The following SOX5 variants were observed in gnomAD, a reference collection of about 807,000 sequenced individuals.
The protein encoded by SOX5 is SRY-box transcription factor 5.
In SOX5, 9 loss-of-function variants were observed where a neutral mutation model predicts 92.0. The observed-to-expected ratio is 0.10, with a 90% CI of 0.06 to 0.17. SOX5 has a LOEUF of 0.17. Among genes scored for constraint, SOX5 ranks in the 10% least tolerant of loss-of-function variants. The pLI, the probability that SOX5 is intolerant of heterozygous loss-of-function variation, is 1.00. For synonymous variants in SOX5, 344 were observed against 336.3 expected (o/e 1.02, Z -0.25); for missense variants, 642 against 944.5 (o/e 0.68, Z 4.20).
chr12:24,267,586 T>C (rs1943179018), intron 3 of SOX5, among the ~76,000 whole-genome samples: 1 of 152,206 alleles, frequency 6.6e-6, no homozygotes, highest in African/African-American at 2.4e-5. Context: ...AGAATTTCTG[T>C]ACTCTAACTT....
At chr12:24,233,747 T>C (rs1963887054) in intron 3 of SOX5, among the ~76,000 whole-genome samples, 1 of 152,232 alleles carries the variant, frequency 6.6e-6, no homozygotes, top group African/African-American at 2.4e-5. Flanking sequence ...TGGGATATGA[T>C]GCAGCCAGCA....
chr12:23,676,168 A>C (rs1362908646), intron 6 of SOX5, among the ~76,000 whole-genome samples: 6 of 152,140 alleles, frequency 3.9e-5, no homozygotes, highest in Admixed American at 2.6e-4. Flanking sequence ...GAGAGCGATA[A>C]TTAATAAAAT....
chr12:24,122,387 T>G (rs555668286), intron 4 of SOX5, among the ~76,000 whole-genome samples: 1 of 152,296 alleles, frequency 6.6e-6, no homozygotes, highest in East Asian at 1.9e-4. Context: ...ATTTGGCTTG[T>G]TGACTTTCTA....
At chr12:23,938,238 G>T (rs1412539179) in intron 1 of SOX5, among the ~76,000 whole-genome samples, 3 of 150,900 alleles carry the variant, frequency 2.0e-5, no homozygotes, top group African/African-American at 7.3e-5. Context: ...AAAAATAAGG[G>T]TTCTGTTTCT....
At chr12:23,649,430 T>C (rs1234545778) in intron 7 of SOX5, among the ~76,000 whole-genome samples, 1 of 152,140 alleles carries the variant, frequency 6.6e-6, no homozygotes, top group East Asian at 1.9e-4. Flanking sequence ...ATGGAAAACT[T>C]TGACTTTTAA....
intron 2 of SOX5, among the ~76,000 whole-genome samples, chr12:24,309,121 T>C (rs940747523): frequency 6.6e-6 from 1 of 152,240 alleles, no homozygotes; most frequent in Non-Finnish European, 1.5e-5. Context: ...TCCTTGTAGA[T>C]AGGATGTTCT....
chr12:24,080,454 C>T (rs1274077792), intron 4 of SOX5, among the ~76,000 whole-genome samples: 3 of 152,004 alleles, frequency 2.0e-5, no homozygotes, highest in South Asian at 2.1e-4. Flanking sequence ...AGTAACATCA[C>T]GCTCTTAAAA....
chr12:23,781,208 T>C (rs1469984033), intron 3 of SOX5, among the ~76,000 whole-genome samples: 1 of 151,970 alleles, frequency 6.6e-6, no homozygotes, highest in Non-Finnish European at 1.5e-5. Flanking sequence ...AACTTTTCTG[T>C]ACTTCCTTTC....
intron 4 of SOX5, among the ~76,000 whole-genome samples, chr12:24,066,131 A>G (rs907543700): frequency 1.2e-4 from 18 of 152,250 alleles, no homozygotes; most frequent in African/African-American, 4.3e-4. Context: ...TAAAATGGCT[A>G]TAATTCTGGA....
At chr12:23,621,633 A>T (rs1390710690) in intron 8 of SOX5, among the ~76,000 whole-genome samples, 1 of 152,124 alleles carries the variant, frequency 6.6e-6, no homozygotes, top group Non-Finnish European at 1.5e-5. Flanking sequence ...TGTGATTTCA[A>T]AGTAAAAGAA....
At chr12:23,883,063 C>T (rs867685969) in intron 2 of SOX5, among the ~76,000 whole-genome samples, 1 of 149,392 alleles carries the variant, frequency 6.7e-6, no homozygotes, top group African/African-American at 2.6e-5. Flanking sequence ...TGCCTGTAGT[C>T]CCAGCTACTC....
chr12:23,745,948 T>G (rs1463156707), intron 4 of SOX5, among the ~76,000 whole-genome samples: 2 of 152,150 alleles, frequency 1.3e-5, no homozygotes, highest in African/African-American at 4.8e-5. Flanking sequence ...TAGAAAATCA[T>G]CTAACACCGT....
chr12:24,395,291 T>C (rs1959628557), intron 1 of SOX5, among the ~76,000 whole-genome samples: 1 of 152,030 alleles, frequency 6.6e-6, no homozygotes, highest in Admixed American at 6.5e-5. Context: ...CCCTAAGTCT[T>C]TGGAACCACA....
chr12:24,364,543 T>TATAC (rs1491466882), intron 2 of SOX5, among the ~76,000 whole-genome samples: 2 of 137,470 alleles, frequency 1.5e-5, no homozygotes, highest in South Asian at 2.4e-4. Flanking sequence ...TATATATATA[T>TATAC]ACACGAATAA....
rs1191279230 is a variant in SOX5, at chr12:23,530,833, G to GCGCGCGCGCA, written c.*3385_*3386insTGCGCGCGCG. 6 of 151,126 alleles carry GCGCGCGCGCA rather than the reference G, an allele frequency of 4.0e-5. No individual in the cohort carries two copies. Among genetic ancestry groups the GCGCGCGCGCA allele is most frequent in the Non-Finnish European group, 8.8e-5 (6 of 67,814 alleles). The allele number at this position is 151,126 out of a possible 1,614,324, so 9.4% of individuals were successfully genotyped here. A position where few individuals can be genotyped will look rare whatever the true frequency, so the allele number is the denominator to read the frequency against. Reference sequence around the variant, plus strand: ...TGTGTGTGTGTGCGCGCGCGCGCGCGCGCATGTGAGAGAGAGAGAGAAAGG... The same window carrying GCGCGCGCGCA: ...TGTGTGTGTGTGCGCGCGCGCGCGCGCGCGCGCGCACGCATGTGAGAGAGAGAGAGAAAGG... On this transcript the variant is annotated 3_prime_UTR_variant, in exon 15 of 15. Coordinates refer to ENST00000451604, the MANE Select transcript of SOX5 (RefSeq NM_006940.6).
intron 4 of SOX5, among the ~76,000 whole-genome samples, chr12:24,048,836 G>A (rs1411677896): frequency 6.6e-6 from 1 of 152,144 alleles, no homozygotes; most frequent in Non-Finnish European, 1.5e-5. Context: ...AAGTAGATTA[G>A]TGATTGCCTA....
intron 1 of SOX5, among the ~76,000 whole-genome samples, chr12:24,521,545 T>C (rs1950264656): frequency 6.6e-6 from 1 of 152,132 alleles, no homozygotes; most frequent in Non-Finnish European, 1.5e-5. Context: ...AGAGGACAGA[T>C]CACATGTTAG....
intron 1 of SOX5, among the ~76,000 whole-genome samples, chr12:24,560,205 A>C (rs1954197194): frequency 6.6e-6 from 1 of 152,186 alleles, no homozygotes; most frequent in African/African-American, 2.4e-5. Context: ...AATTTCAAGC[A>C]AGTATGCTAC....
At chr12:24,515,621 T>C (rs752433983) in intron 1 of SOX5, among the ~76,000 whole-genome samples, 7 of 152,188 alleles carry the variant, frequency 4.6e-5, no homozygotes, top group South Asian at 4.1e-4. Flanking sequence ...TATCAAACTG[T>C]ATGCTGTCTC....
Sources: gnomAD v4.1 joint callset for allele counts (sites outside exome capture counted in the v4.1 genomes callset) on GRCh38, gnomAD v4.1.1 for gene constraint, MANE v1.5 for transcripts, NCBI Gene and HGNC (gene_info 2026-07-23, HGNC 2026-07-21) for gene names.